The following NDST3 variants were observed in gnomAD, a reference collection of about 807,000 sequenced individuals.
NDST3 encodes the protein bifunctional heparan sulfate N-deacetylase/N-sulfotransferase 3.
In NDST3, 58 loss-of-function variants were observed where a neutral mutation model predicts 96.1. The observed-to-expected ratio is 0.60, with a 90% confidence interval of 0.49 to 0.75. The LOEUF (loss-of-function observed/expected upper bound fraction) is 0.75. Among genes scored for constraint, NDST3 ranks in the 30% least tolerant of loss-of-function variants. The probability of loss-of-function intolerance (pLI) is 0.00; values close to 1 mark genes in which losing one functional copy is unlikely to be tolerated. For synonymous variants in NDST3, 333 were observed against 359.7 expected (o/e 0.93, Z 0.84); for missense variants, 788 against 1,034.2 (o/e 0.76, Z 3.27).
At chr4:118,253,317 G>A (rs541578218) in intron 12 of NDST3, among the ~76,000 whole-genome samples, 182 bp from the exon 13 acceptor site, 1 of 152,274 alleles carries the variant, frequency 6.6e-6, no homozygotes, top group South Asian at 2.1e-4. Context: ...TTAGAAGTAT[G>A]CCAAAAGACT....
intron 1 of NDST3, among the ~76,000 whole-genome samples, chr4:118,045,084 T>C (rs1724687228): frequency 6.6e-6 from 1 of 152,136 alleles, no homozygotes; most frequent in Non-Finnish European, 1.5e-5. Context: ...TAATCTGGGT[T>C]ACCCATACAT....
At position 118,146,736 on chromosome 4, in the gene NDST3, A is replaced by G. The variant is rs149280029; in HGVS notation, c.1539+3052A>G. On this transcript the variant is annotated intron_variant, in intron 6 of 13. Transcript: ENST00000296499. The stretch of plus-strand genomic sequence containing the variant: ...GGTCATCTCTAAATGAGCTTTTCCA[A>G]TGTCACAGGCCTGGACAACTCTCAC... Among the ~76,000 whole-genome samples, 32 of 152,326 alleles carry G rather than the reference A, an allele frequency of 2.1e-4. No homozygotes were observed. In the East Asian group the frequency reaches 6.0e-3, roughly 28 times the overall value.
chr4:118,235,045 A>AAAGGAAGGAAGGAAGG (rs780229979), intron 9 of NDST3, among the ~76,000 whole-genome samples: 3 of 16,750 alleles, frequency 1.8e-4, no homozygotes, highest in Non-Finnish European at 7.4e-4. Context: ...AAAGAAAAAA[A>AAAGGAAGGAAGGAAGG]AAGGAAGGAA....
chr4:118,042,334 C>T lies in NDST3; in HGVS notation c.-156+7742C>T, dbSNP rs543730168. Among the ~76,000 whole-genome samples, 5 of 152,166 alleles carry T rather than the reference C, an allele frequency of 3.3e-5. No homozygotes were observed. In the South Asian group the frequency reaches 1.0e-3, roughly 32 times the overall value. On this transcript the variant is annotated intron_variant, in intron 1 of 13. Coordinates refer to ENST00000296499, the MANE Select transcript of NDST3 (RefSeq NM_004784.3). ...CCCAAATATCTCTCATTTCCATTCTCTCTCAAAACCACCTTAGTCTGGACC... is the reference window on the plus strand; with the variant it reads ...CCCAAATATCTCTCATTTCCATTCTTTCTCAAAACCACCTTAGTCTGGACC...
chr4:118,173,799 G>A (rs562222220), intron 6 of NDST3, among the ~76,000 whole-genome samples: 304 of 152,132 alleles, frequency 2.0e-3, no homozygotes, highest in Admixed American at 4.1e-3. Flanking sequence ...TCCTTTAAGG[G>A]TTCTGGCTTG....
intron 4 of NDST3, among the ~76,000 whole-genome samples, chr4:118,129,755 G>A (rs1250652195): frequency 6.6e-6 from 1 of 151,888 alleles, no homozygotes; most frequent in East Asian, 1.9e-4. Context: ...TTCCTGTCTG[G>A]GACATCTGTC....
chr4:118,086,178 C>T (rs567442984), intron 2 of NDST3, among the ~76,000 whole-genome samples: 5 of 152,128 alleles, frequency 3.3e-5, no homozygotes, highest in Non-Finnish European at 7.3e-5. Flanking sequence ...ACGCAATGTA[C>T]TTACTTATAT....
At chr4:118,057,164 G>A (rs1051671188) in intron 2 of NDST3, among the ~76,000 whole-genome samples, 4 of 151,938 alleles carry the variant, frequency 2.6e-5, no homozygotes, top group Admixed American at 6.6e-5. Context: ...AGATGAAAGA[G>A]AATATAATCA....
intron 3 of NDST3, among the ~76,000 whole-genome samples, chr4:118,108,517 A>T (rs1257459478): frequency 1.3e-5 from 2 of 151,218 alleles, no homozygotes; most frequent in Non-Finnish European, 3.0e-5. Context: ...GGTTTAATAA[A>T]CATATCATGC....
At chr4:118,254,412 C>T (rs1741981976) in intron 13 of NDST3, among the ~76,000 whole-genome samples, 1 of 152,088 alleles carries the variant, frequency 6.6e-6, no homozygotes, top group Non-Finnish European at 1.5e-5. Flanking sequence ...ATCTAACATA[C>T]TAGCAGATAA....
Position 118,227,894 on chromosome 4 carries a change from G to A in NDST3, c.1819+912G>A, listed in dbSNP as rs574769292. Among the ~76,000 whole-genome samples, 51 of 152,180 alleles carry A rather than the reference G, an allele frequency of 3.4e-4. 1 individual carries two copies. The highest frequency in any genetic ancestry group is 4.7e-4 in the Non-Finnish European group (32 of 68,028). On this transcript the variant is annotated intron_variant, in intron 8 of 13. Coordinates refer to ENST00000296499, the MANE Select transcript of NDST3 (RefSeq NM_004784.3). The stretch of plus-strand genomic sequence containing the variant: ...CCCAAAGTGCTGGGATTACAGGCGT[G>A]AGCCACTGTACCCGGTCTATAAACT...
At chr4:118,164,594 T>C (rs1735419466) in intron 6 of NDST3, among the ~76,000 whole-genome samples, 1 of 152,082 alleles carries the variant, frequency 6.6e-6, no homozygotes, top group Non-Finnish European at 1.5e-5. Flanking sequence ...GTCCTTCAAG[T>C]TGAAATGAAA....
intron 6 of NDST3, among the ~76,000 whole-genome samples, chr4:118,169,647 A>C (rs2125935538): frequency 6.6e-6 from 1 of 152,222 alleles, no homozygotes; most frequent in Non-Finnish European, 1.5e-5. Context: ...TAAAAGAATT[A>C]GCCTGGCATG....
At chr4:118,051,560 A>C (rs1725079259) in intron 1 of NDST3, among the ~76,000 whole-genome samples, 1 of 152,144 alleles carries the variant, frequency 6.6e-6, no homozygotes, top group South Asian at 2.1e-4. Context: ...TCAATAAGAA[A>C]GAAACAACCA....
chr4:118,108,195 G>A (rs556960442), intron 3 of NDST3, among the ~76,000 whole-genome samples: 16 of 152,296 alleles, frequency 1.1e-4, no homozygotes, highest in African/African-American at 3.8e-4. Flanking sequence ...GACACATGGG[G>A]ATTATTACAA....
At chr4:118,052,469 C>T (rs140132518) in intron 1 of NDST3, among the ~76,000 whole-genome samples, 1 of 151,908 alleles carries the variant, frequency 6.6e-6, no homozygotes, top group East Asian at 1.9e-4. Context: ...GGATCCATAC[C>T]GTAAATGTCA....
intron 6 of NDST3, among the ~76,000 whole-genome samples, chr4:118,222,001 A>G (rs1739578896): frequency 6.6e-6 from 1 of 151,808 alleles, no homozygotes; most frequent in South Asian, 2.1e-4. Flanking sequence ...CTAAAAAAAA[A>G]AAAACAAAAA....
intron 1 of NDST3, among the ~76,000 whole-genome samples, chr4:118,043,339 A>T (rs1404310119): frequency 5.3e-5 from 8 of 152,232 alleles, no homozygotes; most frequent in Admixed American, 5.2e-4. Context: ...TTCCACAAAA[A>T]GTCATTGCTC....
chr4:118,116,022 T>A (rs1283227567), intron 4 of NDST3, among the ~76,000 whole-genome samples: 1 of 141,102 alleles, frequency 7.1e-6, no homozygotes, highest in Non-Finnish European at 1.6e-5. Flanking sequence ...GTTTTGATGG[T>A]ATATGCAAAC....
Sources: gnomAD v4.1 joint callset for allele counts (sites outside exome capture counted in the v4.1 genomes callset) on GRCh38, gnomAD v4.1.1 for gene constraint, MANE v1.5 for transcripts, NCBI Gene and HGNC (gene_info 2026-07-23, HGNC 2026-07-21) for gene names.